KALRN: variants seen among roughly 807,000 people sequenced by gnomAD.
KALRN encodes kalirin.
In KALRN, 70 loss-of-function variants were observed where a neutral mutation model predicts 353.7. The observed-to-expected ratio is 0.20, with a 90% CI of 0.16 to 0.24. The LOEUF is 0.24. Among genes scored for constraint, KALRN ranks in the 10% least tolerant of loss-of-function variants. The pLI is 1.00. For synonymous variants in KALRN, 1,391 were observed against 1,434.8 expected, an observed-to-expected ratio of 0.97 and a Z score of 0.69; for missense variants, 2,791 against 3,756.7, an observed-to-expected ratio of 0.74 and a Z score of 6.72.
At chr3:124,165,061 G>C (rs1012874172) in intron 1 of KALRN, among the ~76,000 whole-genome samples, 1 of 152,170 alleles carries the variant, frequency 6.6e-6, no homozygotes, top group Non-Finnish European at 1.5e-5. Context: ...TAGGTTTCTC[G>C]TAAACTGAGG....
chr3:124,196,437 G>C (rs2075435210), intron 1 of KALRN, among the ~76,000 whole-genome samples: 1 of 152,200 alleles, frequency 6.6e-6, no homozygotes, highest in Non-Finnish European at 1.5e-5. Context: ...GCAGGGTGGA[G>C]GAGGGGCAGC....
At chr3:124,162,024 A>G (rs2070043664) in intron 1 of KALRN, among the ~76,000 whole-genome samples, 1 of 152,348 alleles carries the variant, frequency 6.6e-6, no homozygotes, top group African/African-American at 2.4e-5. Flanking sequence ...TGAAGCAGAG[A>G]ACAATGTTCA....
chr3:124,058,898 A>C (rs1053012241), intron 1 of KALRN, among the ~76,000 whole-genome samples: 4 of 152,238 alleles, frequency 2.6e-5, no homozygotes, highest in Non-Finnish European at 5.9e-5. Flanking sequence ...TTCAGGTTAA[A>C]GTTTGAATCT....
In KALRN at chr3:124,488,076, C is replaced by T. The variant is rs148524597; in HGVS notation, c.4285-128C>T. ...AGATAACCCCTTTTACCCCACCTCA[C>T]TTTCTTTATAGCTCAGAGGGAACCA... On this transcript the variant is annotated intron_variant, in intron 28 of 59. Transcript: ENST00000682506. The T allele has an allele frequency of 2.5e-4, 146 of 581,602 alleles. 1 individual carries two copies. The East Asian group carries it at 3.1e-3, about 12-fold the overall frequency. The allele number at this position is 581,602 out of a possible 1,614,324, so 36.0% of individuals were successfully genotyped here. A position where few individuals can be genotyped will look rare whatever the true frequency, so the allele number is the denominator to read the frequency against.
At chr3:124,291,202 A>G (rs1204465195) in intron 5 of KALRN, among the ~76,000 whole-genome samples, 1 of 152,202 alleles carries the variant, frequency 6.6e-6, no homozygotes, top group African/African-American at 2.4e-5. Context: ...TCCATGCCCC[A>G]TGGGAACCAG....
chr3:124,299,384 A>G (rs2077089180), intron 6 of KALRN, among the ~76,000 whole-genome samples: 1 of 152,182 alleles, frequency 6.6e-6, no homozygotes, highest in Non-Finnish European at 1.5e-5. Flanking sequence ...GGGCTGCCTT[A>G]AAGAGAAAAG....
intron 33 of KALRN, among the ~76,000 whole-genome samples, chr3:124,516,744 C>A (rs1365788492): frequency 1.3e-5 from 2 of 149,818 alleles, no homozygotes; most frequent in Admixed American, 1.3e-4. Flanking sequence ...TGACATTACA[C>A]ACAGAAAAAA....
chr3:124,106,197 T>C (rs1259914807), intron 1 of KALRN, among the ~76,000 whole-genome samples: 1 of 152,154 alleles, frequency 6.6e-6, no homozygotes, highest in African/African-American at 2.4e-5. Flanking sequence ...ACACTTCCTC[T>C]GTTGTAAGGA....
chr3:124,584,428 T>G (rs2074919155), intron 34 of KALRN, among the ~76,000 whole-genome samples: 1 of 152,144 alleles, frequency 6.6e-6, no homozygotes, highest in Admixed American at 6.5e-5. Context: ...CAACGCCCAT[T>G]GTGGTGGCCT....
Position 124,650,836 on chromosome 3 carries a change from G to A in KALRN, c.5693G>A (p.Ser1898Asn). The change falls in exon 38 of 60, where the codon AGC (serine) becomes AAC (asparagine). Residue 1898 changes from serine to asparagine, a missense_variant. Transcript: ENST00000682506. ...CTAGAAGGAAGCTCATACCGGGGGA[G>A]CTTGAAAGACCCTGCAGGCTGCCTG... ...LSLEGSSYRG[S>N]LKDPAGCLNE... 3 of 1,613,920 alleles carry A rather than the reference G, an allele frequency of 1.9e-6. No individual in the cohort carries two copies. Among genetic ancestry groups the A allele is most frequent in the Non-Finnish European group, 2.5e-6 (3 of 1,179,790 alleles).
At chr3:124,455,478 C>T in intron 22 of KALRN, 119 bp downstream of exon 22, 1 of 1,029,350 alleles carries the variant, frequency 9.7e-7, no homozygotes, top group South Asian at 1.7e-5. Context: ...CTATTGACTC[C>T]TAGAGCGCTT....
At chr3:124,150,912 C>A (rs2068009131) in intron 1 of KALRN, among the ~76,000 whole-genome samples, 1 of 152,192 alleles carries the variant, frequency 6.6e-6, no homozygotes, top group African/African-American at 2.4e-5. Context: ...CAACTCCCAG[C>A]ATCATAGATT....
At chr3:124,652,855 G>A (rs561664885) in intron 38 of KALRN, among the ~76,000 whole-genome samples, 1 of 152,314 alleles carries the variant, frequency 6.6e-6, no homozygotes, top group East Asian at 1.9e-4. Flanking sequence ...GGGATTACAG[G>A]CGTGAGCCAC....
chr3:124,399,937 G>C (rs1325431653), intron 13 of KALRN, among the ~76,000 whole-genome samples: 2 of 152,092 alleles, frequency 1.3e-5, no homozygotes, highest in Non-Finnish European at 2.9e-5. Flanking sequence ...TTCCTTTTCA[G>C]GGATAGCAAA....
chr3:124,716,618 T>G (rs2063147724), intron 58 of KALRN, among the ~76,000 whole-genome samples: 1 of 152,172 alleles, frequency 6.6e-6, no homozygotes, highest in Non-Finnish European at 1.5e-5. Context: ...TTGCCTACTT[T>G]CTGTTTTCCC....
intron 34 of KALRN, among the ~76,000 whole-genome samples, chr3:124,608,421 G>A (rs1043771200): frequency 3.3e-5 from 5 of 152,236 alleles, no homozygotes; most frequent in East Asian, 1.9e-4. Flanking sequence ...ATGAGTCCTC[G>A]CTCTGTCTCC....
intron 1 of KALRN, among the ~76,000 whole-genome samples, chr3:124,189,145 T>C (rs1041964668): frequency 6.6e-6 from 1 of 152,188 alleles, no homozygotes; most frequent in Non-Finnish European, 1.5e-5. Context: ...GGGTCTCGCT[T>C]ATAAGATGTG....
intron 34 of KALRN, among the ~76,000 whole-genome samples, chr3:124,628,643 T>C (rs2080378524): frequency 6.6e-6 from 1 of 151,400 alleles, no homozygotes. Flanking sequence ...TGGTGTGATC[T>C]CAGCTTACTG....
At chr3:124,448,986 A>G (rs1377818623) in intron 21 of KALRN, among the ~76,000 whole-genome samples, 2 of 152,184 alleles carry the variant, frequency 1.3e-5, no homozygotes, top group Admixed American at 6.5e-5. Context: ...TGATGTAACT[A>G]TCATGTTCCA....
Sources: gnomAD v4.1 joint callset for allele counts (sites outside exome capture counted in the v4.1 genomes callset) on GRCh38, gnomAD v4.1.1 for gene constraint, MANE v1.5 for transcripts, NCBI Gene and HGNC (gene_info 2026-07-23, HGNC 2026-07-21) for gene names.